The following TIMELESS variants were observed in gnomAD, a reference collection of about 807,000 sequenced individuals.
TIMELESS encodes protein timeless homolog.
TIMELESS carries 124 observed loss-of-function variants against 164.3 expected under a neutral mutation model. The observed-to-expected ratio is 0.75, with a 90% CI of 0.65 to 0.88. The LOEUF (loss-of-function observed/expected upper bound fraction) is 0.88, where lower values mean the gene tolerates loss of function less well. Ranked by LOEUF, TIMELESS falls within the 40% of genes least tolerant of loss-of-function variation. The pLI is 0.00. For missense variants in TIMELESS, 1,422 were observed against 1,491.4 expected, an observed-to-expected ratio of 0.95 and a Z score of 0.77; for synonymous variants, 564 against 563.4, an observed-to-expected ratio of 1.00 and a Z score of -0.02.
intron 1 of TIMELESS, among the ~76,000 whole-genome samples, chr12:56,434,724 G>T (rs1382857984): frequency 1.3e-5 from 2 of 152,028 alleles, no homozygotes; most frequent in South Asian, 4.2e-4. Flanking sequence ...GCAACAGAGC[G>T]AGACTCTGTC....
Position 56,417,519 on chromosome 12 carries a change from T to C in TIMELESS, c.*197A>G. On this transcript the variant is annotated 3_prime_UTR_variant, in exon 29 of 29. Coordinates refer to ENST00000553532, the MANE Select transcript of TIMELESS (RefSeq NM_003920.5). ...GCTGCTGGGGCATACCGATAAAAAC[T>C]GGGAGAAACAAAGACTGACAGCAGA... The C allele has an allele frequency of 1.7e-6, 1 of 580,192 alleles. No individual in the cohort carries two copies. Among genetic ancestry groups the C allele is most frequent in the East Asian group, 2.8e-5 (1 of 35,266 alleles). The allele number at this position is 580,192 out of a possible 1,614,324, so 35.9% of individuals were successfully genotyped here.
Position 56,420,680 on chromosome 12 carries a change from G to A in TIMELESS, c.3117C>T (p.Ser1039=). The part of the protein sequence containing the change: ...AADDREEDGC[S]QAVPLVPLTE... ...TGAGTGGCACCAATGGAACGGCCTGGGAGCAGCCTAAGACAGGGTCAATAG... is the reference window on the plus strand; with the variant it reads ...TGAGTGGCACCAATGGAACGGCCTGAGAGCAGCCTAAGACAGGGTCAATAG... The change falls in exon 26 of 29, where the codon TCC becomes TCT. Residue 1039 remains serine, a synonymous_variant. Transcript: ENST00000553532. 1 of 1,614,168 alleles carries A rather than the reference G, an allele frequency of 6.2e-7. No homozygotes were observed.
chr12:56,427,006 G>C (rs1323817717), intron 13 of TIMELESS, among the ~76,000 whole-genome samples: 1 of 152,100 alleles, frequency 6.6e-6, no homozygotes, highest in Non-Finnish European at 1.5e-5. Flanking sequence ...ACCCAGACTG[G>C]AGTGCAATGT....
At chr12:56,430,374 TTTTTC>T in intron 9 of TIMELESS, 93 bp from the exon 10 acceptor site, 1 of 1,460,412 alleles carries the variant, frequency 6.8e-7, no homozygotes, top group Non-Finnish European at 9.2e-7. Flanking sequence ...CTAATTTTTG[TTTTTC>T]TTTTGAGACA....
intron 26 of TIMELESS, 56 bp downstream of exon 26, chr12:56,420,513 T>C (rs1271440952): frequency 7.3e-7 from 1 of 1,371,310 alleles, no homozygotes; most frequent in Non-Finnish European, 1.0e-6. Context: ...GAGGAGGAGA[T>C]GTATTTGGAA....
chr12:56,431,352 C>CT (rs1881872103), intron 8 of TIMELESS, 119 bp downstream of exon 8: 5 of 1,042,528 alleles, frequency 4.8e-6, no homozygotes, highest in Admixed American at 2.9e-5. Context: ...AAAATTCTGT[C>CT]TCAAAAAAAA....
chr12:56,432,966 A>AAG, intron 6 of TIMELESS, 60 bp downstream of exon 6: 1 of 1,191,176 alleles, frequency 8.4e-7, no homozygotes, highest in East Asian at 2.6e-5. Flanking sequence ...AAAAAAAAAA[A>AAG]AAAAAAAAGG....
chr12:56,439,777 CA>C (rs1204573447), intron 1 of TIMELESS, among the ~76,000 whole-genome samples: 3 of 152,212 alleles, frequency 2.0e-5, no homozygotes, highest in Non-Finnish European at 4.4e-5. Context: ...ACACTCCACA[CA>C]ATTACTATAC....
intron 8 of TIMELESS, among the ~76,000 whole-genome samples, 200 bp downstream of exon 8, chr12:56,431,271 T>C (rs1881868754): frequency 6.6e-6 from 1 of 151,526 alleles, no homozygotes; most frequent in Non-Finnish European, 1.5e-5. Flanking sequence ...GGAGAATCGC[T>C]TGAACCCAGG....
At chr12:56,430,783 T>A in intron 9 of TIMELESS, 98 bp downstream of exon 9, 2 of 758,316 alleles carry the variant, frequency 2.6e-6, no homozygotes, top group Non-Finnish European at 4.1e-6. Flanking sequence ...GGACCACAAG[T>A]GTGAGCCACC....
chr12:56,421,281 G>A lies in TIMELESS; in HGVS notation c.2868+70C>T, dbSNP rs1881473783. On this transcript the variant is annotated intron_variant, in intron 23 of 28. Coordinates refer to ENST00000553532, the MANE Select transcript of TIMELESS (RefSeq NM_003920.5). Reference sequence around the variant, plus strand: ...ACAGCCTCAGGCAGGAAGAATCCAGGTGGACTGCTCCTAAGGACCACTTCA... The same window carrying A: ...ACAGCCTCAGGCAGGAAGAATCCAGATGGACTGCTCCTAAGGACCACTTCA... The A allele has an allele frequency of 4.4e-6, 7 of 1,586,020 alleles. No individual in the cohort carries two copies. In the South Asian group the frequency reaches 8.2e-5, roughly 19 times the overall value.
At chr12:56,430,824 C>T in intron 9 of TIMELESS, 57 bp downstream of exon 9, 1 of 1,204,740 alleles carries the variant, frequency 8.3e-7, no homozygotes, top group Non-Finnish European at 1.2e-6. Flanking sequence ...AAGATGATTA[C>T]CCTGCTTAAG....
Position 56,446,746 on chromosome 12 carries a change from C to T in TIMELESS, c.-62+2564G>A, listed in dbSNP as rs540702010. Among the ~76,000 whole-genome samples, 12 of 150,804 alleles carry T rather than the reference C, an allele frequency of 8.0e-5. No individual in the cohort carries two copies. In the South Asian group the frequency reaches 1.7e-3, roughly 21 times the overall value. ...ACTTGGGAGGCTGAGCCAGGAGAAT[C>T]GCTTGAACCTGGGAGACCACGCCAC... On this transcript the variant is annotated intron_variant, in intron 1 of 28. Transcript: ENST00000553532.
intron 26 of TIMELESS, among the ~76,000 whole-genome samples, 187 bp downstream of exon 26, chr12:56,420,382 A>G (rs1881426266): frequency 6.6e-6 from 1 of 152,070 alleles, no homozygotes; most frequent in Non-Finnish European, 1.5e-5. Context: ...AGGGGAGATT[A>G]GAGAGAGGAA....
At chr12:56,434,022 ACCT>A in intron 2 of TIMELESS, 49 bp downstream of exon 2, 1 of 1,611,380 alleles carries the variant, frequency 6.2e-7, no homozygotes, top group Admixed American at 1.7e-5. Flanking sequence ...AATTCAACAG[ACCT>A]CCTTAATTCA....
At chr12:56,445,858 C>T (rs1172753566) in intron 1 of TIMELESS, among the ~76,000 whole-genome samples, 2 of 152,170 alleles carry the variant, frequency 1.3e-5, no homozygotes, top group Non-Finnish European at 2.9e-5. Context: ...TCCTGAGTAG[C>T]TCTTGCTTAG....
At chr12:56,443,135 T>C (rs1868299899) in intron 1 of TIMELESS, among the ~76,000 whole-genome samples, 1 of 152,142 alleles carries the variant, frequency 6.6e-6, no homozygotes, top group Non-Finnish European at 1.5e-5. Flanking sequence ...AAAGATACCA[T>C]AAGGTCTGAC....
At position 56,430,097 on chromosome 12, in the gene TIMELESS, GT is replaced by G; in HGVS notation, c.1086+7del. On this transcript the variant is annotated splice_region_variant and intron_variant, in intron 10 of 28. Coordinates refer to ENST00000553532, the MANE Select transcript of TIMELESS (RefSeq NM_003920.5). ...CTGATTATCTCCATATCCTTCACAGGTTCTCACCTTTACTGATCCCATGAGC... is the reference window on the plus strand; with the variant it reads ...CTGATTATCTCCATATCCTTCACAGGTCTCACCTTTACTGATCCCATGAGC... The G allele has an allele frequency of 6.2e-7, 1 of 1,604,756 alleles. No individual in the cohort carries two copies. Among genetic ancestry groups the G allele is most frequent in the South Asian group, 1.1e-5 (1 of 89,764 alleles).
chr12:56,436,851 C>A (rs1882086128), intron 1 of TIMELESS, among the ~76,000 whole-genome samples: 1 of 152,184 alleles, frequency 6.6e-6, no homozygotes, highest in South Asian at 2.1e-4. Flanking sequence ...AAGCTCCATG[C>A]TGTAGGGCTT....
Sources: gnomAD v4.1 joint callset for allele counts (sites outside exome capture counted in the v4.1 genomes callset) on GRCh38, gnomAD v4.1.1 for gene constraint, MANE v1.5 for transcripts, NCBI Gene and HGNC (gene_info 2026-07-23, HGNC 2026-07-21) for gene names.